ERBB4: variants seen among roughly 807,000 people sequenced by gnomAD.
ERBB4 encodes receptor tyrosine-protein kinase erbB-4.
In ERBB4, 42 loss-of-function variants were observed where a neutral mutation model predicts 158.0. The observed-to-expected ratio is 0.27, with a 90% CI of 0.21 to 0.34. The LOEUF (loss-of-function observed/expected upper bound fraction) is 0.34. Ranked by LOEUF, ERBB4 falls within the 10% of genes least tolerant of loss-of-function variation. The probability of loss-of-function intolerance (pLI) is 1.00; values close to 1 mark genes in which losing one functional copy is unlikely to be tolerated. For synonymous variants in ERBB4, 583 were observed against 558.7 expected (o/e 1.04, Z -0.61); for missense variants, 1,333 against 1,624.1 (o/e 0.82, Z 3.08).
intron 2 of ERBB4, among the ~76,000 whole-genome samples, chr2:212,039,715 C>T (rs1021339237): frequency 4.6e-5 from 7 of 152,008 alleles, no homozygotes; most frequent in Non-Finnish European, 1.0e-4. Flanking sequence ...TTATGATTAC[C>T]TCTTTCAGAA....
intron 1 of ERBB4, among the ~76,000 whole-genome samples, chr2:212,410,963 T>A (rs866445769): frequency 6.6e-6 from 1 of 152,094 alleles, no homozygotes; most frequent in Non-Finnish European, 1.5e-5. Context: ...AAAAACTAGG[T>A]AAGCAAAAGG....
intron 18 of ERBB4, among the ~76,000 whole-genome samples, chr2:211,623,546 A>G (rs776643323): frequency 2.6e-5 from 4 of 152,172 alleles, no homozygotes; most frequent in Non-Finnish European, 4.4e-5. Context: ...ATTATGGTAT[A>G]TTGCCCAGGC....
chr2:212,485,832 G>A (rs750606785), intron 1 of ERBB4, among the ~76,000 whole-genome samples: 1 of 152,078 alleles, frequency 6.6e-6, no homozygotes, highest in Non-Finnish European at 1.5e-5. Context: ...GTCCTCACAT[G>A]CTGAAAGGTG....
Position 211,752,751 on chromosome 2 carries a change from G to A in ERBB4, c.557-2047C>T, listed in dbSNP as rs751750017. Among the ~76,000 whole-genome samples, 14 of 152,104 alleles carry A rather than the reference G, an allele frequency of 9.2e-5. No individual in the cohort carries two copies. The South Asian group carries it at 1.0e-3, about 11-fold the overall frequency. On this transcript the variant is annotated intron_variant, in intron 4 of 27. Transcript: ENST00000342788. ...GCATGTTGCTAGAAATACTGTTGACGGTTCTTGACAAGGTATCAGGGCAAG... is the reference window on the plus strand; with the variant it reads ...GCATGTTGCTAGAAATACTGTTGACAGTTCTTGACAAGGTATCAGGGCAAG...
chr2:212,283,446 G>C (rs2085834704), intron 1 of ERBB4, among the ~76,000 whole-genome samples: 1 of 151,946 alleles, frequency 6.6e-6, no homozygotes, highest in Non-Finnish European at 1.5e-5. Flanking sequence ...TGAAAGGTTT[G>C]TTATAATTAA....
chr2:211,573,010 G>A (rs2125749360), intron 19 of ERBB4, among the ~76,000 whole-genome samples: 1 of 152,222 alleles, frequency 6.6e-6, no homozygotes, highest in South Asian at 2.1e-4. Context: ...CATCCCTGAG[G>A]TGAATACTAC....
chr2:211,589,339 CTGAAGA>C (rs2068390953), intron 19 of ERBB4, among the ~76,000 whole-genome samples: 1 of 152,002 alleles, frequency 6.6e-6, no homozygotes, highest in Non-Finnish European at 1.5e-5. Context: ...ATGTATCAGC[CTGAAGA>C]TAATTGTCGA....
chr2:211,489,870 T>C (rs865936253), intron 20 of ERBB4, among the ~76,000 whole-genome samples: 4 of 151,954 alleles, frequency 2.6e-5, no homozygotes, highest in African/African-American at 4.8e-5. Context: ...ATATATAAAG[T>C]CTTGACTTTT....
At chr2:211,427,439 A>G (rs945210799) in intron 22 of ERBB4, among the ~76,000 whole-genome samples, 1 of 152,156 alleles carries the variant, frequency 6.6e-6, no homozygotes, top group Non-Finnish European at 1.5e-5. Context: ...TTAAGTAGCC[A>G]GACAGATGCT....
Position 211,757,785 on chromosome 2 carries a change from G to T in ERBB4, c.557-7081C>A, listed in dbSNP as rs554065583. ...GGCTTGAAGATTCTAAAGTTACTTT[G>T]CAAATTTGTATTTTTCCTGAGGCCT... On this transcript the variant is annotated intron_variant, in intron 4 of 27. Coordinates refer to ENST00000342788, the MANE Select transcript of ERBB4 (RefSeq NM_005235.3). Among the ~76,000 whole-genome samples the T allele has an allele frequency of 5.9e-5, 9 of 152,280 alleles. No homozygotes were observed. The East Asian group carries it at 1.7e-3, about 29-fold the overall frequency.
intron 2 of ERBB4, chr2:212,124,516 T>C: frequency 5.7e-6 from 3 of 529,084 alleles, no homozygotes; most frequent in Admixed American, 3.1e-5. Context: ...GACAGAATCT[T>C]TTCTCAATCT....
At chr2:211,586,575 C>A (rs1170083753) in intron 19 of ERBB4, among the ~76,000 whole-genome samples, 1 of 152,066 alleles carries the variant, frequency 6.6e-6, no homozygotes, top group Admixed American at 6.6e-5. Context: ...ATACGCAATC[C>A]TAGAGAATAC....
intron 20 of ERBB4, among the ~76,000 whole-genome samples, chr2:211,541,634 G>T (rs1028457652): frequency 6.6e-6 from 1 of 151,946 alleles, no homozygotes; most frequent in African/African-American, 2.4e-5. Context: ...TCTTCATCAG[G>T]ACTTTATCCA....
At chr2:212,339,934 T>C (rs1415753186) in intron 1 of ERBB4, among the ~76,000 whole-genome samples, 1 of 152,132 alleles carries the variant, frequency 6.6e-6, no homozygotes, top group South Asian at 2.1e-4. Context: ...TTTTTAAAAA[T>C]TGTTTAAATA....
At chr2:211,561,333 C>G (rs1041188549) in intron 20 of ERBB4, among the ~76,000 whole-genome samples, 1 of 152,150 alleles carries the variant, frequency 6.6e-6, no homozygotes, top group Admixed American at 6.5e-5. Context: ...CTAGTAAATG[C>G]TCTCTGTAAC....
intron 1 of ERBB4, among the ~76,000 whole-genome samples, chr2:212,353,436 T>G (rs1033848555): frequency 6.7e-6 from 1 of 149,032 alleles, no homozygotes; most frequent in African/African-American, 2.4e-5. Flanking sequence ...TAAATAAAAG[T>G]ATACAATATA....
intron 1 of ERBB4, among the ~76,000 whole-genome samples, chr2:212,379,156 A>T (rs1433136803): frequency 6.6e-6 from 1 of 151,770 alleles, no homozygotes; most frequent in Non-Finnish European, 1.5e-5. Flanking sequence ...ATTTTATTTG[A>T]TTATCTAAAG....
At chr2:212,226,413 G>C (rs12995418) in intron 1 of ERBB4, among the ~76,000 whole-genome samples, 5,835 of 151,518 alleles carry the variant, frequency 0.039, 152 homozygotes, top group South Asian at 0.075. Context: ...AAAGACATGG[G>C]GGGGGGTTTG....
At chr2:212,231,134 T>C (rs2083651242) in intron 1 of ERBB4, among the ~76,000 whole-genome samples, 1 of 152,120 alleles carries the variant, frequency 6.6e-6, no homozygotes, top group South Asian at 2.1e-4. Flanking sequence ...AGTAACTACT[T>C]TGTTGTTTCA....
Sources: allele counts gnomAD v4.1 joint callset (sites outside exome capture counted in the v4.1 genomes callset), GRCh38; gene constraint gnomAD v4.1.1; transcripts MANE v1.5; gene names NCBI Gene and HGNC (gene_info 2026-07-23, HGNC 2026-07-21).